CHRM3: variants seen among roughly 807,000 people sequenced by gnomAD.
The protein encoded by CHRM3 is muscarinic acetylcholine receptor M3.
A neutral mutation model predicts 41.8 loss-of-function variants in CHRM3; 11 were observed. That is an observed-to-expected ratio of 0.26 (90% CI 0.17 to 0.44). The LOEUF (loss-of-function observed/expected upper bound fraction) is 0.44. Ranked by LOEUF, CHRM3 falls within the 20% of genes least tolerant of loss-of-function variation. The pLI is 1.00. For synonymous variants in CHRM3, 297 were observed against 301.4 expected, an observed-to-expected ratio of 0.99 and a Z score of 0.15; for missense variants, 571 against 745.4, an observed-to-expected ratio of 0.77 and a Z score of 2.72.
intron 6 of CHRM3, among the ~76,000 whole-genome samples, chr1:239,881,463 G>T (rs1231940938): frequency 6.6e-6 from 1 of 151,854 alleles, no homozygotes; most frequent in African/African-American, 2.4e-5. Flanking sequence ...AGTTGATTGG[G>T]GCTCCATCCA....
chr1:239,690,226 A>C (rs1029858475), intron 5 of CHRM3, among the ~76,000 whole-genome samples: 6 of 151,932 alleles, frequency 3.9e-5, no homozygotes, highest in African/African-American at 1.4e-4. Context: ...ATTTCTTTTC[A>C]TTTATTTTAT....
At chr1:239,553,440 A>T (rs1660057907) in intron 3 of CHRM3, among the ~76,000 whole-genome samples, 1 of 152,070 alleles carries the variant, frequency 6.6e-6, no homozygotes, top group Admixed American at 6.6e-5. Flanking sequence ...TTAGGATACA[A>T]GCAGGAGACT....
chr1:239,555,065 T>A (rs1660232774), intron 3 of CHRM3, among the ~76,000 whole-genome samples: 3 of 152,204 alleles, frequency 2.0e-5, no homozygotes, highest in Admixed American at 2.0e-4. Flanking sequence ...TAAATCATTC[T>A]AAAATATTTG....
chr1:239,732,227 A>G (rs902780263), intron 5 of CHRM3, among the ~76,000 whole-genome samples: 10 of 151,680 alleles, frequency 6.6e-5, no homozygotes, highest in African/African-American at 1.9e-4. Context: ...TCTCACTTAG[A>G]TAAGTATACC....
In CHRM3 at chr1:239,913,055, G is replaced by C. The variant is rs1177550029; in HGVS notation, c.*3831G>C. 3 of 167,056 alleles carry C rather than the reference G, an allele frequency of 1.8e-5. No homozygotes were observed. In the Admixed American group the frequency reaches 2.0e-4, roughly 11 times the overall value. The allele number at this position is 167,056 out of a possible 1,614,324, so 10.3% of individuals were successfully genotyped here. A position where few individuals can be genotyped will look rare whatever the true frequency, so the allele number is the denominator to read the frequency against. ...GAGGTCAGCAGCTACCATGACGAAA[G>C]TAAAATGGTATATTGGGTGAATGTT... On this transcript the variant is annotated 3_prime_UTR_variant, in exon 7 of 7. Coordinates refer to ENST00000676153, the MANE Select transcript of CHRM3 (RefSeq NM_001375978.1).
chr1:239,699,981 T>G (rs757855949), intron 5 of CHRM3, among the ~76,000 whole-genome samples: 1 of 152,202 alleles, frequency 6.6e-6, no homozygotes, highest in Non-Finnish European at 1.5e-5. Context: ...GTCTTAATTT[T>G]CATTCTATTC....
At chr1:239,699,113 G>A (rs1169648721) in intron 5 of CHRM3, among the ~76,000 whole-genome samples, 1 of 151,858 alleles carries the variant, frequency 6.6e-6, no homozygotes, top group Non-Finnish European at 1.5e-5. Context: ...TTCTCACCAT[G>A]ATTTTAATAA....
chr1:239,553,167 AG>A (rs1311034709), intron 3 of CHRM3, among the ~76,000 whole-genome samples: 13 of 152,260 alleles, frequency 8.5e-5, no homozygotes, highest in Admixed American at 7.2e-4. Context: ...AGACTTTGTA[AG>A]GAAGTCAGCC....
At chr1:239,486,307 TG>T (rs1295709812) in intron 1 of CHRM3, among the ~76,000 whole-genome samples, 7 of 152,208 alleles carry the variant, frequency 4.6e-5, no homozygotes, top group Non-Finnish European at 1.0e-4. Flanking sequence ...GTGCTTTGCT[TG>T]GTCTTCATTT....
chr1:239,650,994 TATC>T (rs1311103490), intron 4 of CHRM3, among the ~76,000 whole-genome samples: 1 of 152,214 alleles, frequency 6.6e-6, no homozygotes, highest in Non-Finnish European at 1.5e-5. Flanking sequence ...ATATGCATAA[TATC>T]ATGTGTTTTG....
chr1:239,568,804 AT>A (rs1661587682), intron 3 of CHRM3, among the ~76,000 whole-genome samples: 1 of 152,148 alleles, frequency 6.6e-6, no homozygotes, highest in Non-Finnish European at 1.5e-5. Context: ...AGCATGATAA[AT>A]AATCCCCAAG....
At chr1:239,581,385 A>T (rs1407070725) in intron 3 of CHRM3, among the ~76,000 whole-genome samples, 1 of 141,582 alleles carries the variant, frequency 7.1e-6, no homozygotes. Flanking sequence ...CAAAGTTAGG[A>T]TTCAAATACG....
intron 5 of CHRM3, among the ~76,000 whole-genome samples, chr1:239,736,564 T>A (rs763649939): frequency 6.6e-6 from 1 of 152,084 alleles, no homozygotes; most frequent in Non-Finnish European, 1.5e-5. Flanking sequence ...TATTATCGGA[T>A]GTTGAACCTA....
intron 2 of CHRM3, among the ~76,000 whole-genome samples, chr1:239,494,564 C>G (rs1030717664): frequency 3.3e-5 from 5 of 151,688 alleles, no homozygotes; most frequent in African/African-American, 1.2e-4. Context: ...TTTTTATGTT[C>G]CAGAATACAT....
chr1:239,402,965 A>C (rs145420570), intron 1 of CHRM3, among the ~76,000 whole-genome samples: 112 of 152,234 alleles, frequency 7.4e-4, no homozygotes, highest in African/African-American at 2.6e-3. Context: ...TTTTTCTGGA[A>C]TATTTTTGAT....
chr1:239,602,800 GATAAC>G (rs1315141466), intron 3 of CHRM3, among the ~76,000 whole-genome samples: 1 of 152,064 alleles, frequency 6.6e-6, no homozygotes, highest in Non-Finnish European at 1.5e-5. Context: ...GGTAAAAACA[GATAAC>G]ATAATATTTT....
intron 6 of CHRM3, among the ~76,000 whole-genome samples, chr1:239,832,807 G>A (rs1028371598): frequency 1.4e-4 from 21 of 151,988 alleles, no homozygotes; most frequent in African/African-American, 4.6e-4. Flanking sequence ...TGCACGTATC[G>A]ATATTATTAT....
chr1:239,596,629 T>G (rs940422625), intron 3 of CHRM3, among the ~76,000 whole-genome samples: 1 of 152,162 alleles, frequency 6.6e-6, no homozygotes, highest in Non-Finnish European at 1.5e-5. Context: ...ATTAATTGAT[T>G]AGTTTTAAAT....
chr1:239,778,004 G>C (rs1668230776), intron 5 of CHRM3, among the ~76,000 whole-genome samples: 1 of 152,026 alleles, frequency 6.6e-6, no homozygotes, highest in South Asian at 2.1e-4. Context: ...TACATATTGG[G>C]TACAGTTTAC....
Sources: gnomAD v4.1 joint callset for allele counts (sites outside exome capture counted in the v4.1 genomes callset) on GRCh38, gnomAD v4.1.1 for gene constraint, MANE v1.5 for transcripts, NCBI Gene and HGNC (gene_info 2026-07-23, HGNC 2026-07-21) for gene names.